Variants in PALLD observed in about 807,000 individuals in gnomAD.
PALLD encodes palladin, cytoskeletal associated protein, also known as palladin.
A neutral mutation model predicts 123.5 loss-of-function variants in PALLD; 61 were observed. That is an observed-to-expected ratio of 0.49 (90% CI 0.40 to 0.61). The LOEUF (loss-of-function observed/expected upper bound fraction) is 0.61. PALLD is among the 20% of genes least tolerant of loss of function. The pLI is 0.00. For synonymous variants in PALLD, 465 were observed against 496.4 expected, an observed-to-expected ratio of 0.94 and a Z score of 0.84; for missense variants, 1,273 against 1,377.0, an observed-to-expected ratio of 0.92 and a Z score of 1.20.
chr4:168,884,898 C>T (rs1212079030), intron 10 of PALLD, among the ~76,000 whole-genome samples: 2 of 152,204 alleles, frequency 1.3e-5, no homozygotes, highest in African/African-American at 4.8e-5. Flanking sequence ...GTGTTTAGTA[C>T]ACATTAGTTC....
chr4:168,898,897 T>G (rs1434031855), intron 14 of PALLD, among the ~76,000 whole-genome samples, 183 bp downstream of exon 14: 2 of 151,924 alleles, frequency 1.3e-5, no homozygotes, highest in African/African-American at 4.8e-5. Context: ...CCAAAAAAGG[T>G]GGTGGGGGGA....
At chr4:168,799,710 A>G (rs1197557585) in intron 10 of PALLD, among the ~76,000 whole-genome samples, 1 of 152,184 alleles carries the variant, frequency 6.6e-6, no homozygotes, top group Non-Finnish European at 1.5e-5. Flanking sequence ...TGGGTTCCTG[A>G]AAGAGCATAT....
chr4:168,865,690 T>C (rs1750163890), intron 10 of PALLD, among the ~76,000 whole-genome samples: 1 of 152,226 alleles, frequency 6.6e-6, no homozygotes, highest in Admixed American at 6.5e-5. Flanking sequence ...AGTGATACAG[T>C]ATCTCAAGAG....
At chr4:168,561,988 T>C (rs965435374) in intron 2 of PALLD, among the ~76,000 whole-genome samples, 2 of 152,164 alleles carry the variant, frequency 1.3e-5, no homozygotes, top group African/African-American at 4.8e-5. Flanking sequence ...ACAAGGCACT[T>C]TTACAGACAT....
chr4:168,783,074 G>C (rs1736175503), intron 10 of PALLD, among the ~76,000 whole-genome samples: 1 of 148,986 alleles, frequency 6.7e-6, no homozygotes, highest in African/African-American at 2.5e-5. Context: ...GTGTGTGTGT[G>C]TGTGTGTGTG....
Position 168,924,280 on chromosome 4 carries a change from GTTTATT to G in PALLD, c.3085_3090del (p.Phe1029_Ile1030del). 6.2e-7 allele frequency: 1 copy of G among 1,614,006 alleles called. No individual in the cohort carries two copies. Among genetic ancestry groups the G allele is most frequent in the Non-Finnish European group, 8.5e-7 (1 of 1,179,930 alleles). ...CTAAAGAAGCACACAAACCCCCTGT[GTTTATT>G]GAGAAGCTCCAAAACACAGGAGTTG... is the stretch of plus-strand genomic sequence containing the variant. On this transcript the variant is annotated inframe_deletion, in exon 19 of 22. Transcript: ENST00000505667.
intron 10 of PALLD, among the ~76,000 whole-genome samples, chr4:168,813,106 G>GC (rs897886537): frequency 2.5e-4 from 5 of 19,740 alleles, no homozygotes; most frequent in South Asian, 2.9e-3. Context: ...ACGTACTTTT[G>GC]GGGGGGGCGG....
At chr4:168,776,690 T>C (rs1316297586) in intron 10 of PALLD, among the ~76,000 whole-genome samples, 1 of 152,216 alleles carries the variant, frequency 6.6e-6, no homozygotes, top group Non-Finnish European at 1.5e-5. Flanking sequence ...CTAGTTCACT[T>C]AGAATTTTTT....
intron 2 of PALLD, among the ~76,000 whole-genome samples, chr4:168,630,296 T>C (rs1257935434): frequency 6.6e-6 from 1 of 152,018 alleles, no homozygotes; most frequent in Non-Finnish European, 1.5e-5. Context: ...ACAACTGAAG[T>C]GTAGAGGAAA....
chr4:168,690,687 TG>T lies in PALLD; in HGVS notation c.1422del (p.Trp474CysfsTer33), dbSNP rs1782536404. 6.2e-7 allele frequency: 1 copy of T among 1,614,058 alleles called. No individual in the cohort carries two copies. Among genetic ancestry groups the T allele is most frequent in the Non-Finnish European group, 8.5e-7 (1 of 1,180,022 alleles). ...VRGAPPLQVQ[W>X]FRQGSEIQDS... ...TGGGGCACCCCCTCTGCAGGTCCAG[TG>T]GTTTCGGCAAGGGAGTGAAATCCAA... On this transcript the variant is annotated frameshift_variant, in exon 7 of 22. Coordinates refer to ENST00000505667, the MANE Select transcript of PALLD (RefSeq NM_001166108.2). LOFTEE classifies it high-confidence loss of function.
At position 168,576,239 on chromosome 4, in the gene PALLD, C is replaced by A. The variant is rs143677960; in HGVS notation, c.908+63827C>A. 4.3e-4 allele frequency among the ~76,000 whole-genome samples: 64 copies of A among 150,076 alleles called. No individual in the cohort carries two copies. The East Asian group carries it at 0.012, about 28-fold the overall frequency. On this transcript the variant is annotated intron_variant, in intron 2 of 21. Coordinates refer to ENST00000505667, the MANE Select transcript of PALLD (RefSeq NM_001166108.2). The stretch of plus-strand genomic sequence containing the variant: ...AATTGGCAGCATTTTCTTTTTTTTT[C>A]TTTTTTTATTATTATACTTTGAGTT...
chr4:168,608,264 G>C (rs17054387), intron 2 of PALLD, among the ~76,000 whole-genome samples: 1 of 152,158 alleles, frequency 6.6e-6, no homozygotes, highest in Non-Finnish European at 1.5e-5. Flanking sequence ...GTGGTCTGCC[G>C]TTTCTCAGAG....
At chr4:168,620,605 C>T (rs916279965) in intron 2 of PALLD, among the ~76,000 whole-genome samples, 1 of 152,082 alleles carries the variant, frequency 6.6e-6, no homozygotes, top group Non-Finnish European at 1.5e-5. Context: ...TGATAGATAA[C>T]TTTGTGCACT....
chr4:168,573,790 A>T (rs1769243227), intron 2 of PALLD, among the ~76,000 whole-genome samples: 1 of 152,116 alleles, frequency 6.6e-6, no homozygotes, highest in African/African-American at 2.4e-5. Flanking sequence ...GCATACCATT[A>T]TTGGTGTGGA....
chr4:168,499,249 AGGGAGGGAGGAAGGGAGGGAGGAT>A (rs1184253161), intron 1 of PALLD, among the ~76,000 whole-genome samples: 1,474 of 113,718 alleles, frequency 0.013, 17 homozygotes, highest in South Asian at 0.029. Context: ...GGAAGGGAGA[AGGGAGGGAGGAAGGGAGGGAGGAT>A]GGGAGGGAGG....
In PALLD at chr4:168,672,356, T is replaced by C. The variant is rs1439521214; in HGVS notation, c.1087+3988T>C. Reference sequence around the variant, plus strand: ...ATTAGAACGTATTCCTCTTACACTTTTAGCTGTAATTTTGTATCCTTTGAC... The same window carrying C: ...ATTAGAACGTATTCCTCTTACACTTCTAGCTGTAATTTTGTATCCTTTGAC... On this transcript the variant is annotated intron_variant, in intron 3 of 21. Coordinates refer to ENST00000505667, the MANE Select transcript of PALLD (RefSeq NM_001166108.2). 2.0e-5 allele frequency among the ~76,000 whole-genome samples: 3 copies of C among 152,218 alleles called. No individual in the cohort carries two copies. The East Asian group carries it at 5.8e-4, about 29-fold the overall frequency.
chr4:168,890,866 A>C, intron 10 of PALLD, 56 bp from the exon 11 acceptor site: 1 of 1,595,934 alleles, frequency 6.3e-7, no homozygotes, highest in Non-Finnish European at 8.6e-7. Context: ...TGAACGTTTG[A>C]CTTGGATTTA....
chr4:168,895,101 T>C (rs764493814), intron 12 of PALLD, among the ~76,000 whole-genome samples: 14 of 152,118 alleles, frequency 9.2e-5, no homozygotes, highest in Admixed American at 3.3e-4. Context: ...AACCCACATA[T>C]GGCCGGGCAC....
chr4:168,541,699 C>A (rs1765636159), intron 2 of PALLD, among the ~76,000 whole-genome samples: 1 of 152,144 alleles, frequency 6.6e-6, no homozygotes, highest in Non-Finnish European at 1.5e-5. Flanking sequence ...GTGATCCGCC[C>A]ACCTTAGCCT....
Sources: gnomAD v4.1 joint callset for allele counts (sites outside exome capture counted in the v4.1 genomes callset) on GRCh38, gnomAD v4.1.1 for gene constraint, MANE v1.5 for transcripts, NCBI Gene and HGNC (gene_info 2026-07-23, HGNC 2026-07-21) for gene names.